The following LYPD6 variants were observed in gnomAD, a reference collection of about 807,000 sequenced individuals.
LYPD6 encodes LY6/PLAUR domain containing 6.
In LYPD6, 15 loss-of-function variants were observed where a neutral mutation model predicts 22.7. The observed-to-expected ratio is 0.66, with a 90% CI of 0.44 to 1.02. The LOEUF (loss-of-function observed/expected upper bound fraction) is 1.02, where lower values mean the gene tolerates loss of function less well. LYPD6 is among the 50% of genes least tolerant of loss of function. The probability of loss-of-function intolerance (pLI) is 0.00; values close to 1 mark genes in which losing one functional copy is unlikely to be tolerated. For synonymous variants in LYPD6, 72 were observed against 77.5 expected, an observed-to-expected ratio of 0.93 and a Z score of 0.37; for missense variants, 189 against 208.4, an observed-to-expected ratio of 0.91 and a Z score of 0.57.
At chr2:149,436,744 A>G (rs188101098) in intron 1 of LYPD6, among the ~76,000 whole-genome samples, 2 of 152,042 alleles carry the variant, frequency 1.3e-5, no homozygotes, top group Admixed American at 6.6e-5. Flanking sequence ...ACCACACCCA[A>G]CTAATTTTTT....
At position 149,388,822 on chromosome 2, in the gene LYPD6, A is replaced by G. The variant is rs149355955; in HGVS notation, c.-71-48816A>G. On this transcript the variant is annotated intron_variant, in intron 1 of 4. Transcript: ENST00000334166. ...AGCAGATCAACTCAATCTGTTTTCAATAACATTCAAGTTAATAGTACTATG... is the reference window on the plus strand; with the variant it reads ...AGCAGATCAACTCAATCTGTTTTCAGTAACATTCAAGTTAATAGTACTATG... Among the ~76,000 whole-genome samples the G allele has an allele frequency of 2.9e-3, 443 of 152,300 alleles. 2 individuals are homozygous for G. The highest frequency in any genetic ancestry group is 4.7e-3 in the Non-Finnish European group (323 of 68,034).
chr2:149,366,670 A>AT (rs1298599070), intron 1 of LYPD6, among the ~76,000 whole-genome samples: 1 of 152,158 alleles, frequency 6.6e-6, no homozygotes, highest in Non-Finnish European at 1.5e-5. Context: ...TAACTTGCTA[A>AT]TTTTTTTATT....
At chr2:149,371,798 G>C (rs546008559) in intron 1 of LYPD6, among the ~76,000 whole-genome samples, 2 of 152,298 alleles carry the variant, frequency 1.3e-5, no homozygotes, top group African/African-American at 4.8e-5. Flanking sequence ...AGCTGTGAGA[G>C]TAGCTTCGTC....
At chr2:149,444,793 T>C (rs1488558239) in intron 2 of LYPD6, among the ~76,000 whole-genome samples, 1 of 152,212 alleles carries the variant, frequency 6.6e-6, no homozygotes, top group Non-Finnish European at 1.5e-5. Context: ...CTGCAGTTAC[T>C]TTCTCTGTTG....
At chr2:149,396,102 G>A (rs769953473) in intron 1 of LYPD6, among the ~76,000 whole-genome samples, 5 of 152,042 alleles carry the variant, frequency 3.3e-5, no homozygotes, top group Non-Finnish European at 7.4e-5. Flanking sequence ...TGGTTTTAAG[G>A]CCAAACCAGT....
intron 1 of LYPD6, among the ~76,000 whole-genome samples, chr2:149,418,313 C>G (rs1683007656): frequency 6.6e-6 from 1 of 152,162 alleles, no homozygotes; most frequent in African/African-American, 2.4e-5. Flanking sequence ...TCGATCATTT[C>G]CTTTTTTTCC....
chr2:149,380,991 A>G (rs1682049303), intron 1 of LYPD6, among the ~76,000 whole-genome samples: 1 of 152,194 alleles, frequency 6.6e-6, no homozygotes, highest in Admixed American at 6.5e-5. Context: ...GCTGGGTCAA[A>G]TGCTGTAAAT....
At chr2:149,483,763 T>C in the LYPD6 span, among the ~76,000 whole-genome samples, 1 of 152,226 alleles carries the variant, frequency 6.6e-6, no homozygotes, top group African/African-American at 2.4e-5. Context: ...ACAATTATTA[T>C]TTGTCAATTA....
chr2:149,399,951 T>C (rs2105107609), intron 1 of LYPD6, among the ~76,000 whole-genome samples: 2 of 152,324 alleles, frequency 1.3e-5, no homozygotes, highest in South Asian at 4.1e-4. Flanking sequence ...AAACACAGCA[T>C]TGGCAAAGCT....
At chr2:149,476,331 G>A (rs1459288109), downstream of LYPD6, among the ~76,000 whole-genome samples, 1 of 152,048 alleles carries the variant, frequency 6.6e-6, no homozygotes, top group Non-Finnish European at 1.5e-5. Context: ...AATATGAGAA[G>A]AAAAATATTC....
At chr2:149,432,414 T>C (rs1461838590) in intron 1 of LYPD6, among the ~76,000 whole-genome samples, 3 of 150,892 alleles carry the variant, frequency 2.0e-5, no homozygotes, top group African/African-American at 7.3e-5. Context: ...CAGATTTCTG[T>C]GCCAGGTGCT....
chr2:149,350,964 A>G (rs1402242782), intron 1 of LYPD6, among the ~76,000 whole-genome samples: 1 of 152,224 alleles, frequency 6.6e-6, no homozygotes, highest in Non-Finnish European at 1.5e-5. Flanking sequence ...ACTGGACGGT[A>G]TACAGGACTT....
intron 1 of LYPD6, among the ~76,000 whole-genome samples, chr2:149,338,633 G>A (rs1259672630): frequency 6.6e-6 from 1 of 152,150 alleles, no homozygotes; most frequent in Admixed American, 6.6e-5. Context: ...CACCAGATCT[G>A]CTGGTATTGT....
intron 1 of LYPD6, among the ~76,000 whole-genome samples, chr2:149,340,343 A>G (rs543751664): frequency 2.6e-5 from 4 of 152,184 alleles, no homozygotes; most frequent in African/African-American, 9.7e-5. Flanking sequence ...AACTTTAGAT[A>G]ATATAATCAT....
intron 3 of LYPD6, among the ~76,000 whole-genome samples, chr2:149,449,744 A>G (rs1176941873): frequency 6.6e-6 from 1 of 152,212 alleles, no homozygotes; most frequent in Non-Finnish European, 1.5e-5. Context: ...AAAGAAATAG[A>G]TGGTTATATT....
chr2:149,412,132 A>G (rs1036494323), intron 1 of LYPD6, among the ~76,000 whole-genome samples: 1 of 152,222 alleles, frequency 6.6e-6, no homozygotes, highest in Non-Finnish European at 1.5e-5. Flanking sequence ...TTTGGGATTA[A>G]AGAGTATATA....
intron 1 of LYPD6, among the ~76,000 whole-genome samples, chr2:149,361,805 T>C (rs1478136856): frequency 6.6e-6 from 1 of 152,156 alleles, no homozygotes; most frequent in Non-Finnish European, 1.5e-5. Context: ...CCTTACATGG[T>C]AAAAGGGATT....
intron 1 of LYPD6, among the ~76,000 whole-genome samples, chr2:149,332,507 C>A (rs1484792800): frequency 1.3e-5 from 2 of 152,198 alleles, no homozygotes; most frequent in South Asian, 4.1e-4. Flanking sequence ...ATATTGAAAT[C>A]TACTATTAAA....
At chr2:149,382,547 A>G (rs992154234) in intron 1 of LYPD6, among the ~76,000 whole-genome samples, 2 of 152,054 alleles carry the variant, frequency 1.3e-5, no homozygotes, top group East Asian at 1.9e-4. Context: ...CTGTGGCCCT[A>G]TATCATGTTT....
Sources: allele counts gnomAD v4.1 joint callset (sites outside exome capture counted in the v4.1 genomes callset), GRCh38; gene constraint gnomAD v4.1.1; transcripts MANE v1.5; gene names NCBI Gene and HGNC (gene_info 2026-07-23, HGNC 2026-07-21).